The following CORIN variants were observed in gnomAD, a reference collection of about 807,000 sequenced individuals.
CORIN encodes the protein atrial natriuretic peptide-converting enzyme.
CORIN carries 117 observed loss-of-function variants against 125.3 expected under a neutral mutation model. The observed-to-expected ratio is 0.93, with a 90% CI of 0.80 to 1.09. CORIN has a LOEUF of 1.09. Among genes scored for constraint, CORIN ranks in the 50% least tolerant of loss-of-function variants. The pLI, the probability that CORIN is intolerant of heterozygous loss-of-function variation, is 0.00. For synonymous variants in CORIN, 450 were observed against 466.4 expected (o/e 0.96, Z 0.45); for missense variants, 1,253 against 1,306.7 (o/e 0.96, Z 0.63).
At chr4:47,749,847 G>A (rs1560531837) in intron 4 of CORIN, among the ~76,000 whole-genome samples, 2 of 152,134 alleles carry the variant, frequency 1.3e-5, no homozygotes, top group East Asian at 3.9e-4. Context: ...ATAGTCACAG[G>A]CACCTCCCAG....
chr4:47,786,957 T>A (rs1414035225), intron 2 of CORIN, 32 bp from the exon 3 acceptor site: 2 of 1,458,228 alleles, frequency 1.4e-6, no homozygotes, highest in Non-Finnish European at 1.9e-6. Context: ...AAAAAAAACC[T>A]ATCTTTGAAA....
At chr4:47,691,801 C>A (rs536762622) in intron 6 of CORIN, among the ~76,000 whole-genome samples, 1 of 151,782 alleles carries the variant, frequency 6.6e-6, no homozygotes, top group Non-Finnish European at 1.5e-5. Context: ...GAAACACTGA[C>A]CTGAAATGTT....
intron 5 of CORIN, among the ~76,000 whole-genome samples, chr4:47,739,146 T>A (rs901811735): frequency 4.6e-5 from 7 of 151,932 alleles, no homozygotes; most frequent in Admixed American, 4.6e-4. Context: ...TGTTTGAAGA[T>A]ATAATAGCTG....
intron 10 of CORIN, among the ~76,000 whole-genome samples, chr4:47,665,954 T>C (rs1389788041): frequency 1.3e-5 from 2 of 152,248 alleles, no homozygotes; most frequent in African/African-American, 4.8e-5. Flanking sequence ...AAGAATTGTA[T>C]GACTTTATGC....
rs542022022 is a variant in CORIN at position 47,742,829 on chromosome 4, A to T, written c.799+1573T>A. Among the ~76,000 whole-genome samples the T allele has an allele frequency of 2.6e-5, 4 of 152,272 alleles. No individual in the cohort carries two copies. The South Asian group carries it at 8.3e-4, about 32-fold the overall frequency. ...TAAGAAGAACAAAGATAGAGGACAT[A>T]TAATATTCAATATAAAGATGCTATA... On this transcript the variant is annotated intron_variant, in intron 5 of 21. Coordinates refer to ENST00000273857, the MANE Select transcript of CORIN (RefSeq NM_006587.4).
intron 12 of CORIN, among the ~76,000 whole-genome samples, chr4:47,655,224 T>A (rs945619035): frequency 2.6e-5 from 4 of 151,698 alleles, no homozygotes; most frequent in Non-Finnish European, 4.4e-5. Context: ...TGGGCTGGCT[T>A]CAGGTGTAAC....
At chr4:47,715,384 T>C (rs1394402241) in intron 5 of CORIN, among the ~76,000 whole-genome samples, 1 of 152,138 alleles carries the variant, frequency 6.6e-6, no homozygotes, top group Non-Finnish European at 1.5e-5. Context: ...GGCAGGCGGA[T>C]TGCCTAAGCT....
At chr4:47,803,232 G>T (rs890938424) in intron 2 of CORIN, among the ~76,000 whole-genome samples, 1 of 152,112 alleles carries the variant, frequency 6.6e-6, no homozygotes, top group Non-Finnish European at 1.5e-5. Flanking sequence ...CAAGATATTT[G>T]ATGTTCATGG....
chr4:47,667,002 G>A (rs907575080), intron 10 of CORIN, among the ~76,000 whole-genome samples: 2 of 152,188 alleles, frequency 1.3e-5, no homozygotes, highest in Non-Finnish European at 2.9e-5. Flanking sequence ...ATCTTGAATT[G>A]TAGCTCCCAT....
intron 3 of CORIN, among the ~76,000 whole-genome samples, chr4:47,782,922 T>C (rs1363621609): frequency 1.3e-5 from 2 of 151,398 alleles, no homozygotes; most frequent in African/African-American, 4.9e-5. Context: ...ACAGGGAATA[T>C]GCCTTTTTTT....
chr4:47,623,096 C>CTCTATATATATATATATA (rs771867590), intron 19 of CORIN, among the ~76,000 whole-genome samples: 1 of 102,304 alleles, frequency 9.8e-6, no homozygotes, highest in Non-Finnish European at 1.8e-5. Context: ...CTCTCTCTCT[C>CTCTATATATATATATATA]TATATATATA....
Position 47,647,511 on chromosome 4 carries a change from AAAT to A in CORIN, c.1844-2320_1844-2318del, listed in dbSNP as rs201407535. ...AAGGCCGCCTAAAGTGCATCCTCACAAATAATAATAATAATAATGATGATAATG... is the reference window on the plus strand; with the variant it reads ...AAGGCCGCCTAAAGTGCATCCTCACAAATAATAATAATAATGATGATAATG... On this transcript the variant is annotated intron_variant, in intron 13 of 21. Coordinates refer to ENST00000273857, the MANE Select transcript of CORIN (RefSeq NM_006587.4). Among the ~76,000 whole-genome samples the A allele has an allele frequency of 2.0e-3, 297 of 152,038 alleles. 2 individuals are homozygous for A. The highest frequency in any genetic ancestry group is 6.5e-3 in the African/African-American group (268 of 41,494).
At chr4:47,624,533 T>A (rs1251955141) in intron 17 of CORIN, among the ~76,000 whole-genome samples, 1 of 152,174 alleles carries the variant, frequency 6.6e-6, no homozygotes, top group East Asian at 1.9e-4. Flanking sequence ...TTCTGCTATA[T>A]GAGAAGTTGA....
At chr4:47,729,137 C>A (rs920112665) in intron 5 of CORIN, among the ~76,000 whole-genome samples, 2 of 152,170 alleles carry the variant, frequency 1.3e-5, no homozygotes. Context: ...GCCTGTAATT[C>A]TCCCAGAAAA....
At chr4:47,832,559 C>T (rs1411748038) in intron 1 of CORIN, among the ~76,000 whole-genome samples, 4 of 151,046 alleles carry the variant, frequency 2.6e-5, no homozygotes, top group Admixed American at 1.3e-4. Context: ...ATTCTCTTGC[C>T]TCAGCCTCCC....
intron 13 of CORIN, among the ~76,000 whole-genome samples, chr4:47,647,058 G>C (rs61760473): frequency 2.0e-5 from 3 of 152,028 alleles, no homozygotes; most frequent in East Asian, 1.9e-4. Flanking sequence ...CTGATAATCC[G>C]GGGGGGTCTT....
chr4:47,693,172 T>C, intron 5 of CORIN, 89 bp from the exon 6 acceptor site: 1 of 856,982 alleles, frequency 1.2e-6, no homozygotes, highest in Non-Finnish European at 1.9e-6. Context: ...GAAAATCTTC[T>C]TTTGCTATTC....
chr4:47,749,938 T>G (rs1283753646), intron 4 of CORIN, among the ~76,000 whole-genome samples: 4 of 152,136 alleles, frequency 2.6e-5, no homozygotes, highest in Admixed American at 6.5e-5. Flanking sequence ...ATTTTCTCCT[T>G]TTGCATTATG....
intron 5 of CORIN, among the ~76,000 whole-genome samples, chr4:47,723,174 T>C (rs1027639150): frequency 1.3e-5 from 2 of 152,178 alleles, no homozygotes; most frequent in African/African-American, 4.8e-5. Flanking sequence ...GCAGCCAAGG[T>C]TGCCTATTTG....
Sources: gnomAD v4.1 joint callset for allele counts (sites outside exome capture counted in the v4.1 genomes callset) on GRCh38, gnomAD v4.1.1 for gene constraint, MANE v1.5 for transcripts, NCBI Gene and HGNC (gene_info 2026-07-23, HGNC 2026-07-21) for gene names.